Variants in JAG2 observed in about 807,000 individuals in gnomAD.
The protein encoded by JAG2 is jagged canonical Notch ligand 2, also known as protein jagged-2.
A neutral mutation model predicts 141.7 loss-of-function variants in JAG2; 46 were observed. That is an observed-to-expected ratio of 0.32 (90% CI 0.26 to 0.42). The LOEUF is 0.42. Ranked by LOEUF, JAG2 falls within the 10% of genes least tolerant of loss-of-function variation. The pLI is 1.00. For missense variants in JAG2, 1,500 were observed against 1,817.5 expected (o/e 0.83, Z 3.18); for synonymous variants, 862 against 763.5 (o/e 1.13, Z -2.13).
At chr14:105,162,020 C>G (rs766583519) in intron 2 of JAG2, among the ~76,000 whole-genome samples, 6 of 152,180 alleles carry the variant, frequency 3.9e-5, no homozygotes, top group Non-Finnish European at 7.4e-5. Context: ...GCATGTTGCC[C>G]TTCTAGGAAC....
At chr14:105,149,137 ACCTCC>A in intron 13 of JAG2, 28 bp downstream of exon 13, 1 of 374,394 alleles carries the variant, frequency 2.7e-6, no homozygotes, top group Non-Finnish European at 4.0e-6. Flanking sequence ...CTGCCCCACC[ACCTCC>A]CCCACCACCC....
chr14:105,143,285 C>T (rs920546071), intron 25 of JAG2, 115 bp from the exon 26 acceptor site: 39 of 1,358,344 alleles, frequency 2.9e-5, no homozygotes, highest in African/African-American at 2.0e-4. Flanking sequence ...CCCCACCCTC[C>T]GGTTGCTGGC....
rs1566764273 is a variant in JAG2 at position 105,151,759 on chromosome 14, G to T, written c.1040-20C>A. 6.2e-7 allele frequency: 1 copy of T among 1,603,296 alleles called. No homozygotes were observed. The highest frequency in any genetic ancestry group is 1.7e-4 in the Middle Eastern group (1 of 5,952). On this transcript the variant is annotated intron_variant, in intron 7 of 25. Coordinates refer to ENST00000331782, the MANE Select transcript of JAG2 (RefSeq NM_002226.5). ...GCTCAGCTGTAGAACCGCGGGGAGG[G>T]GGCAGAGCTGGCAGCCAGGCCCCCA...
intron 2 of JAG2, among the ~76,000 whole-genome samples, chr14:105,164,014 C>T (rs1420058819): frequency 1.3e-5 from 2 of 152,110 alleles, no homozygotes; most frequent in Non-Finnish European, 2.9e-5. Context: ...GCTTGCTCCC[C>T]TCATAAAGAC....
In JAG2 at chr14:105,148,458, G is replaced by C; in HGVS notation, c.2021-19C>G. ...TTGGGATCTGGGGGCGAGGACGCCG[G>C]TCAGCGGGCGGGGGGTCACCGGCGC... On this transcript the variant is annotated intron_variant, in intron 15 of 25. Coordinates refer to ENST00000331782, the MANE Select transcript of JAG2 (RefSeq NM_002226.5). 1 of 1,589,428 alleles carries C rather than the reference G, an allele frequency of 6.3e-7. No individual in the cohort carries two copies. Among genetic ancestry groups the C allele is most frequent in the Non-Finnish European group, 8.6e-7 (1 of 1,161,804 alleles).
Position 105,142,690 on chromosome 14 carries a change from C to T in JAG2, c.*5G>A, listed in dbSNP as rs587713969. On this transcript the variant is annotated 3_prime_UTR_variant, in exon 26 of 26. Transcript: ENST00000331782. ...CCTGGGTCCCGGCCCAGCTGGCAGC[C>T]GCCCCTACTCCTTGCCGGCGTAGCG... The T allele has an allele frequency of 8.9e-5, 141 of 1,590,178 alleles. 3 individuals carry two copies. The South Asian group carries it at 1.2e-3, about 14-fold the overall frequency.
At chr14:105,147,943 G>T in intron 17 of JAG2, 55 bp from the exon 18 acceptor site, 1 of 1,403,882 alleles carries the variant, frequency 7.1e-7, no homozygotes, top group Non-Finnish European at 9.8e-7. Context: ...CTGGCCCTGG[G>T]TCTCCATACC....
chr14:105,146,351 G>A lies in JAG2; in HGVS notation c.2709+34C>T, dbSNP rs138244145. 574 of 1,562,988 alleles carry A rather than the reference G, an allele frequency of 3.7e-4. 1 individual carries two copies. The East Asian group carries it at 9.5e-3, about 26-fold the overall frequency. On this transcript the variant is annotated intron_variant, in intron 22 of 25. Transcript: ENST00000331782. ...GCCAGGGTCAGCGTGCACCAGCCTC[G>A]GGTAGGGCAGGGCGGCTCACGGGCT... is the stretch of plus-strand genomic sequence containing the variant.
intron 18 of JAG2, 105 bp downstream of exon 18, chr14:105,147,665 GGC>G: frequency 9.2e-7 from 1 of 1,088,936 alleles, no homozygotes; most frequent in Non-Finnish European, 1.4e-6. Context: ...TGGGGGCAGG[GGC>G]AGCAGGGGGA....
At position 105,167,899 on chromosome 14, in the gene JAG2, T is replaced by C; in HGVS notation, c.275A>G (p.His92Arg). The C allele has an allele frequency of 6.3e-7, 1 of 1,588,012 alleles. No homozygotes were observed. ...GCCGCCCAGCACGGGCGTGGCGCCG[T>C]GGCCGTAGCTGCAGGGCCCCGTGGG... ...VTPTGPCSYGHGATPVLGGNS... is the reference protein window; with the variant it reads ...VTPTGPCSYGRGATPVLGGNS... Residue 92 changes from histidine (H) to arginine (R), a missense_variant, in exon 2 of 26, where the codon CAC (histidine) becomes CGC (arginine). By Grantham distance (29) the His-to-Arg change is conservative. Coordinates refer to ENST00000331782, the MANE Select transcript of JAG2 (RefSeq NM_002226.5). The surrounding 1 kb of genome is among the most constrained non-coding windows in gnomAD (Gnocchi z 4.8).
rs1184498799 is a variant in JAG2, at chr14:105,141,841, G to A, written c.*854C>T. ...AGGGGCGGCCGGGGCCGGCAGGTGG[G>A]CAGCGCCTGGTGCCACGGCACGCGT... is the stretch of plus-strand genomic sequence containing the variant. On this transcript the variant is annotated 3_prime_UTR_variant, in exon 26 of 26. Transcript: ENST00000331782. 1 of 152,594 alleles carries A rather than the reference G, an allele frequency of 6.6e-6. No individual in the cohort carries two copies. Among genetic ancestry groups the A allele is most frequent in the African/African-American group, 2.4e-5 (1 of 41,474 alleles). 9.5% of individuals were successfully genotyped at this position (152,594 alleles called of 1,614,324 possible). A position where few individuals can be genotyped will look rare whatever the true frequency, so the allele number is the denominator to read the frequency against.
intron 18 of JAG2, 23 bp from the exon 19 acceptor site, chr14:105,147,550 A>G: frequency 6.2e-7 from 1 of 1,609,120 alleles, no homozygotes; most frequent in Non-Finnish European, 8.5e-7. Context: ...AAGAGAACGC[A>G]GGGGATCAGT....
rs1402621689 is a variant in JAG2 at position 105,151,095 on chromosome 14, T to A, written c.1277A>T (p.Glu426Val). ...GTTAAGGCATGGCTTCCCTTCACAC[T>A]CATTGGCGTCTGTGAAAGAGACAAG... ...VGATCQLDAN[E>V]CEGKPCLNAF... The change falls in exon 10 of 26, where the codon GAG (glutamate) becomes GTG (valine). Residue 426 changes from glutamate to valine, a missense_variant. Physicochemically the swap from Glu to Val is moderately radical, Grantham distance 121 (BLOSUM62 -2). Coordinates refer to ENST00000331782, the MANE Select transcript of JAG2 (RefSeq NM_002226.5). 1 of 1,610,706 alleles carries A rather than the reference T, an allele frequency of 6.2e-7. No individual in the cohort carries two copies. The highest frequency in any genetic ancestry group is 2.2e-5 in the East Asian group (1 of 44,836).
intron 20 of JAG2, 45 bp from the exon 21 acceptor site, chr14:105,146,769 C>T (rs372698136): frequency 3.7e-4 from 546 of 1,476,510 alleles, no homozygotes; most frequent in Non-Finnish European, 4.9e-4. Flanking sequence ...GGCCAACGCC[C>T]ACCGCAGGAC....
intron 2 of JAG2, among the ~76,000 whole-genome samples, chr14:105,162,288 C>T: frequency 6.6e-6 from 1 of 152,062 alleles, no homozygotes; most frequent in Non-Finnish European, 1.5e-5. Flanking sequence ...TGACCCACCC[C>T]CACCGCACAA....
At chr14:105,164,423 C>T (rs587757824) in intron 2 of JAG2, among the ~76,000 whole-genome samples, 1 of 152,222 alleles carries the variant, frequency 6.6e-6, no homozygotes. Flanking sequence ...CATACCAGAC[C>T]AGCCAGCTCT....
intron 4 of JAG2, 22 bp downstream of exon 4, chr14:105,155,716 C>T (rs1019950836): frequency 6.8e-6 from 11 of 1,612,584 alleles, no homozygotes; most frequent in South Asian, 4.4e-5. Context: ...CTGCCCTCCA[C>T]GCAGCCCAGC....
Position 105,143,628 on chromosome 14 carries a change from G to T in JAG2, c.3095C>A (p.Pro1032His). The change falls in exon 25 of 26, where the codon CCT becomes CAT. Residue 1032 changes from proline (P) to histidine (H), a missense_variant. This residue lies in a region of JAG2 where 425 missense variants were observed against 441.0 expected (regional missense o/e 0.96). Transcript: ENST00000331782. Reference protein sequence around the residue: ...SAVEVAVSFSPARDLPDSSLI... With the variant: ...SAVEVAVSFSHARDLPDSSLI... ...GCTGCTGTCAGGCAGGTCCCTGGCAGGGCTGAAGGACTGCGGCAAAGAACG... is the reference window on the plus strand; with the variant it reads ...GCTGCTGTCAGGCAGGTCCCTGGCATGGCTGAAGGACTGCGGCAAAGAACG... 6.2e-7 allele frequency: 1 copy of T among 1,607,622 alleles called. No individual in the cohort carries two copies.
In JAG2 at chr14:105,167,727, G is replaced by A; in HGVS notation, c.417+30C>T. On this transcript the variant is annotated intron_variant, in intron 2 of 25. Transcript: ENST00000331782. The surrounding 1 kb of genome is among the most constrained non-coding windows in gnomAD (Gnocchi z 4.8). ...CCGGGGCGCGGAGAGAGAGGGAAGG[G>A]CTGGAGCACGAGGGATGGAGCGCAC... 2 of 1,428,866 alleles carry A rather than the reference G, an allele frequency of 1.4e-6. No individual in the cohort carries two copies. The highest frequency in any genetic ancestry group is 6.4e-5 in the East Asian group (2 of 31,432). The allele number at this position is 1,428,866 out of a possible 1,614,324, so 88.5% of individuals were successfully genotyped here. A position where few individuals can be genotyped will look rare whatever the true frequency, so the allele number is the denominator to read the frequency against.
Sources: allele counts gnomAD v4.1 joint callset (sites outside exome capture counted in the v4.1 genomes callset), GRCh38; gene constraint gnomAD v4.1.1; regional missense constraint gnomAD v4.1.1; non-coding constraint Gnocchi (gnomAD v3.1); transcripts MANE v1.5; gene names NCBI Gene and HGNC (gene_info 2026-07-23, HGNC 2026-07-21).